The following MARCHF1 variants were observed in gnomAD, a reference collection of about 807,000 sequenced individuals.
MARCHF1 encodes E3 ubiquitin-protein ligase MARCHF1.
MARCHF1 carries 40 observed loss-of-function variants against 54.2 expected under a neutral mutation model. The ratio of observed to expected loss-of-function variants is 0.74; its 90% CI spans 0.57 to 0.96. The LOEUF (loss-of-function observed/expected upper bound fraction) is 0.96, where lower values mean the gene tolerates loss of function less well. MARCHF1 is among the 40% of genes least tolerant of loss of function. The probability of loss-of-function intolerance (pLI) is 0.00; values close to 1 mark genes in which losing one functional copy is unlikely to be tolerated. For synonymous variants in MARCHF1, 236 were observed against 236.3 expected, an observed-to-expected ratio of 1.00 and a Z score of 0.01; for missense variants, 586 against 656.5, an observed-to-expected ratio of 0.89 and a Z score of 1.17.
intron 1 of MARCHF1, among the ~76,000 whole-genome samples, chr4:164,353,938 C>A: frequency 9.3e-6 from 1 of 107,932 alleles, no homozygotes; most frequent in Non-Finnish European, 1.9e-5. Context: ...GATATCACCA[C>A]TGATCCCACA....
At chr4:163,871,873 T>C (rs918724813) in intron 3 of MARCHF1, among the ~76,000 whole-genome samples, 2 of 152,292 alleles carry the variant, frequency 1.3e-5, no homozygotes. Context: ...AGAAAATTTG[T>C]TTTAGATTTT....
Position 164,201,367 on chromosome 4 carries a change from G to A in MARCHF1, c.-322-89705C>T, listed in dbSNP as rs551771457. Among the ~76,000 whole-genome samples, 44 of 152,136 alleles carry A rather than the reference G, an allele frequency of 2.9e-4. 1 individual carries two copies. In the South Asian group the frequency reaches 6.0e-3, roughly 21 times the overall value. Reference sequence around the variant, plus strand: ...CCCTAGTAGTTGGGACTACAGGCACGTGCCACCACACCCAGATAATTTTTT... The same window carrying A: ...CCCTAGTAGTTGGGACTACAGGCACATGCCACCACACCCAGATAATTTTTT... On this transcript the variant is annotated intron_variant, in intron 1 of 9. Coordinates refer to ENST00000514618, the MANE Select transcript of MARCHF1 (RefSeq NM_001394959.1).
Position 164,196,893 on chromosome 4 carries a change from G to A in MARCHF1, c.-322-85231C>T. 1.4e-5 allele frequency: 18 copies of A among 1,310,018 alleles called. No homozygotes were observed. The South Asian group carries it at 1.6e-4, about 12-fold the overall frequency. 81.1% of individuals were successfully genotyped at this position (1,310,018 alleles called of 1,614,324 possible). On this transcript the variant is annotated intron_variant, in intron 1 of 9. Transcript: ENST00000514618. ...ACAATCAGAAAAAAGTAAGTTTCAG[G>A]GGGCAGGATTGGAGGGGGGAGGGGA... is the stretch of plus-strand genomic sequence containing the variant.
intron 1 of MARCHF1, among the ~76,000 whole-genome samples, chr4:164,253,231 G>A (rs551036327): frequency 7.2e-4 from 110 of 152,194 alleles, no homozygotes; most frequent in African/African-American, 2.6e-3. Context: ...AATACTGTGG[G>A]AGAAGAATTT....
chr4:164,044,083 T>G (rs569425652), intron 2 of MARCHF1, among the ~76,000 whole-genome samples: 58 of 152,302 alleles, frequency 3.8e-4, no homozygotes, highest in African/African-American at 1.4e-3. Context: ...GTTCCAAACC[T>G]TCCCACATAT....
chr4:163,992,708 A>G (rs1245371897), intron 2 of MARCHF1, among the ~76,000 whole-genome samples: 1 of 150,754 alleles, frequency 6.6e-6, no homozygotes, highest in Non-Finnish European at 1.5e-5. Context: ...CCTGGCAGAA[A>G]GAAAAATCCT....
chr4:164,131,472 G>C lies in MARCHF1; in HGVS notation c.-322-19810C>G, dbSNP rs536193760. Among the ~76,000 whole-genome samples the C allele has an allele frequency of 2.9e-4, 44 of 152,200 alleles. No homozygotes were observed. The East Asian group carries it at 4.4e-3, about 15-fold the overall frequency. On this transcript the variant is annotated intron_variant, in intron 1 of 9. Transcript: ENST00000514618. ...ACCTAATTTGTTTTAAAACTTGAGA[G>C]AGCAGTTTTTATAACAGCATTGTAA...
chr4:163,893,590 C>T (rs764573179), intron 3 of MARCHF1, among the ~76,000 whole-genome samples: 15 of 152,084 alleles, frequency 9.9e-5, no homozygotes, highest in Non-Finnish European at 1.8e-4. Flanking sequence ...GGAAAGGGAA[C>T]TCAAGTAAAT....
At chr4:164,291,486 T>C (rs1258889055) in intron 1 of MARCHF1, among the ~76,000 whole-genome samples, 1 of 152,036 alleles carries the variant, frequency 6.6e-6, no homozygotes, top group Non-Finnish European at 1.5e-5. Context: ...TTGAACTTTA[T>C]TCAGTACAGT....
chr4:163,800,716 C>G (rs1748058687), intron 4 of MARCHF1, among the ~76,000 whole-genome samples: 1 of 152,076 alleles, frequency 6.6e-6, no homozygotes, highest in Non-Finnish European at 1.5e-5. Flanking sequence ...TCACACTTTA[C>G]TTTTCAAACT....
chr4:164,056,407 CA>C (rs1288108654), intron 2 of MARCHF1, among the ~76,000 whole-genome samples: 1 of 152,152 alleles, frequency 6.6e-6, no homozygotes, highest in African/African-American at 2.4e-5. Flanking sequence ...ATCTCCTGAG[CA>C]TTTGAGACAA....
At chr4:164,343,504 A>C (rs1460793696) in intron 1 of MARCHF1, among the ~76,000 whole-genome samples, 4 of 152,178 alleles carry the variant, frequency 2.6e-5, no homozygotes, top group Non-Finnish European at 5.9e-5. Context: ...TAAGGAACTT[A>C]AACAAATTAA....
chr4:164,274,996 G>C (rs955507307), intron 1 of MARCHF1, among the ~76,000 whole-genome samples: 3 of 151,310 alleles, frequency 2.0e-5, no homozygotes, highest in Non-Finnish European at 4.4e-5. Context: ...TTTAAGCAGA[G>C]ACACTACTTT....
intron 1 of MARCHF1, among the ~76,000 whole-genome samples, chr4:164,297,960 T>G (rs1400946212): frequency 6.6e-6 from 1 of 152,188 alleles, no homozygotes; most frequent in African/African-American, 2.4e-5. Context: ...CCTTATGATT[T>G]TTTATTCTGA....
chr4:164,312,299 C>G (rs1358784105), intron 1 of MARCHF1, among the ~76,000 whole-genome samples: 2 of 150,006 alleles, frequency 1.3e-5, no homozygotes, highest in Non-Finnish European at 3.0e-5. Flanking sequence ...AATGAAGCAC[C>G]TGTGAATTAT....
intron 3 of MARCHF1, among the ~76,000 whole-genome samples, chr4:163,968,549 G>A (rs10517795): frequency 0.53 from 80,328 of 151,890 alleles, 22,841 homozygotes; most frequent in Middle Eastern, 0.68. Context: ...CATACAAAGA[G>A]CATTAATCAA....
chr4:163,545,570 G>A, intron 9 of MARCHF1, 26 bp downstream of exon 9: 1 of 1,603,908 alleles, frequency 6.2e-7, no homozygotes, highest in Non-Finnish European at 8.5e-7. Context: ...GGATCCAAGA[G>A]GGTAAGAAGA....
chr4:163,866,471 T>C (rs1166946383), intron 3 of MARCHF1, among the ~76,000 whole-genome samples: 1 of 145,288 alleles, frequency 6.9e-6, no homozygotes, highest in African/African-American at 2.5e-5. Context: ...TGTAGTTATA[T>C]ATATATATAT....
intron 5 of MARCHF1, among the ~76,000 whole-genome samples, chr4:163,634,574 T>G (rs889188081): frequency 6.6e-6 from 1 of 151,992 alleles, no homozygotes; most frequent in Non-Finnish European, 1.5e-5. Context: ...GCACCCAATA[T>G]AGGAGCACCA....
Sources: gnomAD v4.1 joint callset for allele counts (sites outside exome capture counted in the v4.1 genomes callset) on GRCh38, gnomAD v4.1.1 for gene constraint, MANE v1.5 for transcripts, NCBI Gene and HGNC (gene_info 2026-07-23, HGNC 2026-07-21) for gene names.